Variants in IL1R1 observed in about 807,000 individuals in gnomAD.
IL1R1 encodes the protein interleukin 1 receptor type 1.
Under a neutral mutation model 50.2 loss-of-function variants are expected in IL1R1, and 22 were observed. That is an observed-to-expected ratio of 0.44 (90% confidence interval 0.31 to 0.63). The LOEUF is 0.63. IL1R1 is among the 20% of genes least tolerant of loss of function. The pLI, the probability that IL1R1 is intolerant of heterozygous loss-of-function variation, is 0.07. For missense variants in IL1R1, 509 were observed against 676.2 expected (o/e 0.75, Z 2.74); for synonymous variants, 251 against 236.7 (o/e 1.06, Z -0.55).
chr2:102,147,024 T>C (rs975520328), intron 1 of IL1R1, among the ~76,000 whole-genome samples: 6 of 152,150 alleles, frequency 3.9e-5, no homozygotes, highest in African/African-American at 1.4e-4. Context: ...GCACCGGACA[T>C]GTCTAAGCCA....
intron 1 of IL1R1, among the ~76,000 whole-genome samples, chr2:102,094,780 T>A (rs1448778791): frequency 3.3e-5 from 5 of 152,162 alleles, no homozygotes; most frequent in African/African-American, 1.2e-4. Flanking sequence ...ATATATATAT[T>A]TTTCTTATCA....
intron 1 of IL1R1, among the ~76,000 whole-genome samples, chr2:102,136,082 G>A (rs1014381633): frequency 6.6e-6 from 1 of 152,076 alleles, no homozygotes; most frequent in Non-Finnish European, 1.5e-5. Flanking sequence ...TCACTTGATA[G>A]GCTTCTATTA....
intron 1 of IL1R1, among the ~76,000 whole-genome samples, chr2:102,071,640 A>G (rs1028268675): frequency 6.6e-6 from 1 of 152,176 alleles, no homozygotes. Context: ...CTACTAGCAT[A>G]ATATTTGGCA....
intron 3 of IL1R1, among the ~76,000 whole-genome samples, chr2:102,162,739 CTTTA>C (rs1439855725): frequency 2.6e-5 from 4 of 151,720 alleles, no homozygotes; most frequent in East Asian, 1.9e-4. Context: ...TATGTTACTT[CTTTA>C]TTTGTTTTAA....
At position 102,093,986 on chromosome 2, in the gene IL1R1, A is replaced by G. The variant is rs1001159121; in HGVS notation, c.-84+23453A>G. ...TGAGCTTCACCTGCAGCAGAAATAC[A>G]CCATGATCTGCCCTGGGGAAAACAA... On this transcript the variant is annotated intron_variant, in intron 1 of 11. Transcript: ENST00000409929. Among the ~76,000 whole-genome samples the G allele has an allele frequency of 2.0e-5, 3 of 152,200 alleles. No homozygotes were observed. The South Asian group carries it at 6.2e-4, about 31-fold the overall frequency.
rs757777482 is a variant in IL1R1 at position 102,176,778 on chromosome 2, A to G, written c.*19A>G. ...CGGGTAGCATGGAGAAGTTGCCAAGAGTTCTTTAGGTGCCTCCTGTCTTAT... is the reference window on the plus strand; with the variant it reads ...CGGGTAGCATGGAGAAGTTGCCAAGGGTTCTTTAGGTGCCTCCTGTCTTAT... On this transcript the variant is annotated 3_prime_UTR_variant, in exon 12 of 12. Coordinates refer to ENST00000410023, the MANE Select transcript of IL1R1 (RefSeq NM_000877.4). The G allele has an allele frequency of 6.2e-7, 1 of 1,609,764 alleles. No individual in the cohort carries two copies. Among genetic ancestry groups the G allele is most frequent in the Non-Finnish European group, 8.5e-7 (1 of 1,176,988 alleles).
chr2:102,101,701 A>G (rs1385947953), upstream of IL1R1, among the ~76,000 whole-genome samples: 1 of 152,220 alleles, frequency 6.6e-6, no homozygotes, highest in Non-Finnish European at 1.5e-5. Flanking sequence ...CTGACCTTTT[A>G]TGTATAAACA....
At chr2:102,114,051 A>C (rs936364046) in intron 1 of IL1R1, among the ~76,000 whole-genome samples, 36 of 152,338 alleles carry the variant, frequency 2.4e-4, no homozygotes, top group African/African-American at 8.4e-4. Flanking sequence ...TCCTTCAGGC[A>C]GTCATATTTG....
In IL1R1 at chr2:102,165,216, C is replaced by T. The variant is rs201149290; in HGVS notation, c.398C>T (p.Pro133Leu). 4.4e-6 allele frequency: 7 copies of T among 1,607,642 alleles called. No individual in the cohort carries two copies. The highest frequency in any genetic ancestry group is 5.9e-6 in the Non-Finnish European group (7 of 1,177,732). ...CAAGCCATATTTAAGCAGAAACTAC[C>T]CGTTGCAGGAGACGGAGGACTTGTG... is the stretch of plus-strand genomic sequence containing the variant. ...NAQAIFKQKLPVAGDGGLVCP... is the reference protein window; with the variant it reads ...NAQAIFKQKLLVAGDGGLVCP... Residue 133 changes from proline (P) to leucine (L), a missense_variant, in exon 5 of 12, where the codon CCC becomes CTC. By Grantham distance (98) the Pro-to-Leu change is moderately conservative. Transcript: ENST00000410023.
At chr2:102,134,173 A>T (rs1682205584) in intron 1 of IL1R1, among the ~76,000 whole-genome samples, 1 of 152,220 alleles carries the variant, frequency 6.6e-6, no homozygotes, top group Non-Finnish European at 1.5e-5. Context: ...ATCTGGCCAA[A>T]GATATGCAAG....
At chr2:102,088,104 ACTC>A (rs1679505891) in intron 1 of IL1R1, among the ~76,000 whole-genome samples, 1 of 151,884 alleles carries the variant, frequency 6.6e-6, no homozygotes, top group Non-Finnish European at 1.5e-5. Context: ...CAACTTCTAA[ACTC>A]CTGTTAATGT....
chr2:102,092,043 C>A (rs558488667), intron 1 of IL1R1, among the ~76,000 whole-genome samples: 1 of 152,298 alleles, frequency 6.6e-6, no homozygotes, highest in African/African-American at 2.4e-5. Flanking sequence ...ATTTCCAAAG[C>A]TTCCACATCC....
intron 1 of IL1R1, among the ~76,000 whole-genome samples, chr2:102,134,270 A>T (rs6543107): frequency 0.81 from 123,612 of 151,802 alleles, 50,822 homozygotes; most frequent in African/African-American, 0.92. Context: ...CGGTGCACTC[A>T]ACCCTTCCTG....
intron 6 of IL1R1, among the ~76,000 whole-genome samples, chr2:102,167,522 A>G (rs1685296384): frequency 7.4e-6 from 1 of 134,458 alleles, no homozygotes; most frequent in Non-Finnish European, 1.5e-5. Flanking sequence ...ATCTCCGCTC[A>G]CTGCAAGCTC....
intron 1 of IL1R1, among the ~76,000 whole-genome samples, chr2:102,083,137 T>A (rs1424709972): frequency 6.6e-6 from 1 of 152,172 alleles, no homozygotes; most frequent in Non-Finnish European, 1.5e-5. Flanking sequence ...GCTGACTGAT[T>A]TCCTGAGGAC....
rs377372703 is a variant in IL1R1, at chr2:102,166,983, A to T, written c.655+702A>T. On this transcript the variant is annotated intron_variant, in intron 6 of 11. Coordinates refer to ENST00000410023, the MANE Select transcript of IL1R1 (RefSeq NM_000877.4). ...ATCACAGCAAAATGAAACAAAATGC[A>T]CAAATTGCCAGGGGATAGTCAGAAT... Among the ~76,000 whole-genome samples, 6 of 152,236 alleles carry T rather than the reference A, an allele frequency of 3.9e-5. No individual in the cohort carries two copies. In the East Asian group the frequency reaches 1.2e-3, roughly 29 times the overall value.
chr2:102,147,622 G>A (rs1244419858), intron 1 of IL1R1, among the ~76,000 whole-genome samples: 1 of 152,138 alleles, frequency 6.6e-6, no homozygotes, highest in Non-Finnish European at 1.5e-5. Flanking sequence ...AAGGTTTGTA[G>A]GGGTGAGATG....
At chr2:102,138,266 C>T (rs141471318), upstream of IL1R1, among the ~76,000 whole-genome samples, 44 of 152,296 alleles carry the variant, frequency 2.9e-4, no homozygotes, top group African/African-American at 1.1e-3. Context: ...AGTCTATTGG[C>T]CTCTGGAACT....
At chr2:102,090,164 T>G (rs1679603682) in intron 1 of IL1R1, among the ~76,000 whole-genome samples, 1 of 151,546 alleles carries the variant, frequency 6.6e-6, no homozygotes, top group African/African-American at 2.4e-5. Context: ...TTTTTTTTTT[T>G]TTGTAATTTG....
Sources: allele counts gnomAD v4.1 joint callset (sites outside exome capture counted in the v4.1 genomes callset), GRCh38; gene constraint gnomAD v4.1.1; transcripts MANE v1.5; gene names NCBI Gene and HGNC (gene_info 2026-07-23, HGNC 2026-07-21).